Variants in HHLA2 observed in about 807,000 individuals in gnomAD.
HHLA2 encodes the protein HHLA2 member of B7 family, also known as HERV-H LTR-associating protein 2.
HHLA2 carries 48 observed loss-of-function variants against 45.9 expected under a neutral mutation model. The observed-to-expected ratio is 1.05, with a 90% confidence interval of 0.83 to 1.33. HHLA2 has a LOEUF of 1.33. Ranked by LOEUF, HHLA2 falls within the 40% of genes most tolerant of loss-of-function variation. The pLI is 0.00. For missense variants in HHLA2, 462 were observed against 494.3 expected (o/e 0.93, Z 0.62); for synonymous variants, 161 against 173.9 (o/e 0.93, Z 0.59).
At chr3:108,358,261 A>G (rs2081932808) in intron 7 of HHLA2, 100 bp downstream of exon 6, 1 of 755,792 alleles carries the variant, frequency 1.3e-6, no homozygotes, top group African/African-American at 1.8e-5. Flanking sequence ...GAATACATTG[A>G]TACCCTCTCA....
intron 4 of HHLA2, among the ~76,000 whole-genome samples, chr3:108,352,216 T>G (rs1202562419): frequency 6.6e-6 from 1 of 152,168 alleles, no homozygotes; most frequent in Non-Finnish European, 1.5e-5. Flanking sequence ...TGCTAGGTCC[T>G]ATGACAGGCA....
In HHLA2 at chr3:108,377,253, T is replaced by C. The variant is rs754205641; in HGVS notation, c.1225-5T>C. ...ACATTTAGAGTCTATTTTTCTTGCT[T>C]CTAGCCTCTTTCAGGAAAAGTATAG... On this transcript the variant is annotated splice_region_variant and splice_polypyrimidine_tract_variant and intron_variant, in intron 10 of 10. Transcript: ENST00000619531. The C allele has an allele frequency of 4.1e-5, 64 of 1,549,250 alleles. No homozygotes were observed. Among genetic ancestry groups the C allele is most frequent in the Non-Finnish European group, 5.6e-5 (63 of 1,124,022 alleles).
chr3:108,349,256 T>C (rs1576153733), intron 3 of HHLA2, among the ~76,000 whole-genome samples: 1 of 147,988 alleles, frequency 6.8e-6, no homozygotes, highest in African/African-American at 2.5e-5. Context: ...GCCAGACTAA[T>C]AAAGAAGAAA....
intron 5 of HHLA2, among the ~76,000 whole-genome samples, chr3:108,354,724 T>C (rs1317006557): frequency 6.6e-6 from 1 of 152,174 alleles, no homozygotes; most frequent in African/African-American, 2.4e-5. Context: ...CACAAAATTA[T>C]GTGTAAACAG....
intron 8 of HHLA2, among the ~76,000 whole-genome samples, chr3:108,373,882 T>C (rs1436747512): frequency 1.3e-5 from 2 of 150,950 alleles, no homozygotes; most frequent in Non-Finnish European, 3.0e-5. Context: ...AGAATCAATA[T>C]CGTGAAAATG....
exon 8 of HHLA2, chr3:108,362,362 T>A: frequency 6.2e-7 from 1 of 1,612,272 alleles, no homozygotes; most frequent in Non-Finnish European, 8.5e-7. Context: ...AGAAACAGCT[T>A]CCCATAACAA....
chr3:108,370,302 G>A (rs1030938828), intron 8 of HHLA2, among the ~76,000 whole-genome samples: 2 of 152,100 alleles, frequency 1.3e-5, no homozygotes, highest in African/African-American at 4.8e-5. Context: ...AACAGAAAGG[G>A]CATCCACACC....
chr3:108,306,437 T>C (rs1286844535), intron 1 of HHLA2, among the ~76,000 whole-genome samples: 1 of 152,216 alleles, frequency 6.6e-6, no homozygotes, highest in Admixed American at 6.5e-5. Flanking sequence ...TAAATAATGC[T>C]GTCCTTGAAG....
intron 3 of HHLA2, among the ~76,000 whole-genome samples, chr3:108,345,728 A>C (rs1358759037): frequency 6.6e-6 from 1 of 152,200 alleles, no homozygotes; most frequent in Non-Finnish European, 1.5e-5. Context: ...CTGTTTCCAG[A>C]CTCAAACACA....
exon 5 of HHLA2, chr3:108,353,719 C>T: frequency 1.9e-6 from 3 of 1,613,546 alleles, no homozygotes; most frequent in Non-Finnish European, 1.7e-6. Context: ...AAGGAATTTA[C>T]ACCTGCTATG....
intron 3 of HHLA2, among the ~76,000 whole-genome samples, chr3:108,342,839 C>T (rs1560233163): frequency 6.6e-6 from 1 of 152,198 alleles, no homozygotes; most frequent in Non-Finnish European, 1.5e-5. Context: ...GTACCTCAAA[C>T]CTAATGCTTT....
chr3:108,343,466 C>A (rs960255461), intron 3 of HHLA2, among the ~76,000 whole-genome samples: 1 of 152,164 alleles, frequency 6.6e-6, no homozygotes, highest in African/African-American at 2.4e-5. Flanking sequence ...GGACTGATAG[C>A]CACTAATTCA....
chr3:108,341,407 C>A (rs2081569323), intron 3 of HHLA2, among the ~76,000 whole-genome samples: 1 of 152,148 alleles, frequency 6.6e-6, no homozygotes, highest in Admixed American at 6.5e-5. Flanking sequence ...AACCATAAGG[C>A]ACATTAAACT....
chr3:108,321,091 T>TAAAAAAAAAGAAAA (rs2081191821), intron 2 of HHLA2, among the ~76,000 whole-genome samples: 1 of 101,428 alleles, frequency 9.9e-6, no homozygotes, highest in Non-Finnish European at 2.0e-5. Context: ...TCCAGGTGTT[T>TAAAAAAAAAGAAAA]AAAAAAAAAA....
chr3:108,318,008 C>T (rs1278489679), intron 2 of HHLA2, among the ~76,000 whole-genome samples: 1 of 151,826 alleles, frequency 6.6e-6, no homozygotes, highest in Non-Finnish European at 1.5e-5. Flanking sequence ...ATGGAGAAAC[C>T]CTGTCTGTAC....
chr3:108,325,698 A>G (rs775497912), intron 2 of HHLA2: 5 of 218,458 alleles, frequency 2.3e-5, no homozygotes, highest in Non-Finnish European at 4.7e-5. Flanking sequence ...TACCTTCAAA[A>G]TTGTTTCTAT....
At chr3:108,303,189 T>C (rs1186495852) in intron 1 of HHLA2, among the ~76,000 whole-genome samples, 2 of 152,242 alleles carry the variant, frequency 1.3e-5, no homozygotes, top group Non-Finnish European at 2.9e-5. Flanking sequence ...TGTATTTATG[T>C]ATCAACTCCT....
chr3:108,331,518 C>A lies in HHLA2; in HGVS notation c.-27+3171C>A, dbSNP rs551559973. Among the ~76,000 whole-genome samples, 4 of 152,216 alleles carry A rather than the reference C, an allele frequency of 2.6e-5. No homozygotes were observed. In the South Asian group the frequency reaches 8.3e-4, roughly 32 times the overall value. ...CACATAGCCTACAAATAAAAACTAC[C>A]TCATATAATCACATGCCCTTCTCAC... On this transcript the variant is annotated intron_variant, in intron 3 of 10. Coordinates refer to ENST00000619531, the Ensembl canonical transcript of HHLA2.
intron 2 of HHLA2, among the ~76,000 whole-genome samples, chr3:108,321,064 T>C (rs2081190912): frequency 7.7e-6 from 1 of 130,254 alleles, no homozygotes; most frequent in Non-Finnish European, 1.6e-5. Flanking sequence ...TCCGGGCCAG[T>C]CTCACCAGAA....
Sources: gnomAD v4.1 joint callset for allele counts (sites outside exome capture counted in the v4.1 genomes callset) on GRCh38, gnomAD v4.1.1 for gene constraint, MANE v1.5 for transcripts, NCBI Gene and HGNC (gene_info 2026-07-23, HGNC 2026-07-21) for gene names.